The following BTRC variants were observed in gnomAD, a reference collection of about 807,000 sequenced individuals.
The protein encoded by BTRC is F-box/WD repeat-containing protein 1A.
A neutral mutation model predicts 85.5 loss-of-function variants in BTRC; 42 were observed. The observed-to-expected ratio is 0.49, with a 90% CI of 0.38 to 0.64. The LOEUF is 0.64. BTRC is among the 30% of genes least tolerant of loss of function. The probability of loss-of-function intolerance (pLI) is 0.00; values close to 1 mark genes in which losing one functional copy is unlikely to be tolerated. For missense variants in BTRC, 594 were observed against 743.5 expected, an observed-to-expected ratio of 0.80 and a Z score of 2.34; for synonymous variants, 255 against 263.3, an observed-to-expected ratio of 0.97 and a Z score of 0.30.
At chr10:101,517,594 A>G (rs990632141) in intron 4 of BTRC, among the ~76,000 whole-genome samples, 2 of 152,154 alleles carry the variant, frequency 1.3e-5, no homozygotes, top group Non-Finnish European at 2.9e-5. Context: ...CCTTAAGTAA[A>G]TATGCCAAAG....
intron 1 of BTRC, among the ~76,000 whole-genome samples, chr10:101,424,652 G>A (rs1005977762): frequency 2.0e-5 from 3 of 152,156 alleles, no homozygotes; most frequent in Non-Finnish European, 2.9e-5. Flanking sequence ...TCAGTGAAGA[G>A]GATCTGTGAC....
At chr10:101,513,084 T>C (rs909527678) in intron 4 of BTRC, among the ~76,000 whole-genome samples, 6 of 152,222 alleles carry the variant, frequency 3.9e-5, no homozygotes, top group African/African-American at 1.4e-4. Context: ...TGTGTCCTTG[T>C]AGATTTTCAG....
intron 1 of BTRC, among the ~76,000 whole-genome samples, chr10:101,359,102 G>C (rs1942127079): frequency 6.6e-6 from 1 of 152,174 alleles, no homozygotes; most frequent in Non-Finnish European, 1.5e-5. Context: ...TTCCCTTAAT[G>C]ATGTCACTGT....
At chr10:101,436,626 ATAGATAGATAGATAG>A (rs1461660522) in intron 2 of BTRC, among the ~76,000 whole-genome samples, 3 of 4,660 alleles carry the variant, frequency 6.4e-4, no homozygotes, top group Admixed American at 3.1e-3. Flanking sequence ...ATTAAAAAAA[ATAGATAGATAGATAG>A]ATAGATAGAT....
At chr10:101,370,426 C>T (rs971514302) in intron 1 of BTRC, among the ~76,000 whole-genome samples, 1 of 152,012 alleles carries the variant, frequency 6.6e-6, no homozygotes, top group Non-Finnish European at 1.5e-5. Context: ...TCTTCCTTAT[C>T]CTGATGGTAC....
chr10:101,439,461 A>G (rs7900462), intron 2 of BTRC, among the ~76,000 whole-genome samples: 50,033 of 152,116 alleles, frequency 0.33, 10,802 homozygotes, highest in East Asian at 0.67. Flanking sequence ...AGAGAGACTG[A>G]CATACTATGA....
intron 1 of BTRC, among the ~76,000 whole-genome samples, chr10:101,394,577 C>A (rs190506508): frequency 1.3e-5 from 2 of 152,328 alleles, no homozygotes; most frequent in Admixed American, 1.3e-4. Context: ...TAGTCACAGA[C>A]TGACTAGTAA....
chr10:101,413,361 T>C (rs939545098), intron 1 of BTRC, among the ~76,000 whole-genome samples: 1 of 152,214 alleles, frequency 6.6e-6, no homozygotes, highest in East Asian at 1.9e-4. Flanking sequence ...TTGCCCAGGC[T>C]GGAGTGCAGT....
At chr10:101,414,615 A>G (rs1374909622) in intron 1 of BTRC, 1 of 516,650 alleles carries the variant, frequency 1.9e-6, no homozygotes, top group East Asian at 5.5e-5. Context: ...CATTGATGTC[A>G]TAGGAGATGA....
In BTRC at chr10:101,435,864, C is replaced by T. The variant is rs1944515083; in HGVS notation, c.156+5412C>T. ...AATGTCTCATTTAATGTAATGGCTT[C>T]ATGACTTTTTTTTTTTGATCATTGG... is the stretch of plus-strand genomic sequence containing the variant. On this transcript the variant is annotated intron_variant, in intron 2 of 14. Coordinates refer to ENST00000370187, the MANE Select transcript of BTRC (RefSeq NM_033637.4). Among the ~76,000 whole-genome samples, 3 of 151,690 alleles carry T rather than the reference C, an allele frequency of 2.0e-5. 1 individual carries two copies. Among genetic ancestry groups the T allele is most frequent in the Admixed American group, 1.3e-4 (2 of 15,240 alleles).
intron 5 of BTRC, among the ~76,000 whole-genome samples, chr10:101,523,164 C>T (rs1307295702): frequency 1.3e-5 from 2 of 151,904 alleles, no homozygotes; most frequent in Non-Finnish European, 2.9e-5. Context: ...AGATCACACC[C>T]CTGCATTCCA....
At chr10:101,459,381 C>G (rs748161822) in intron 2 of BTRC, among the ~76,000 whole-genome samples, 7 of 152,170 alleles carry the variant, frequency 4.6e-5, no homozygotes, top group Non-Finnish European at 8.8e-5. Flanking sequence ...TAATCTCATT[C>G]ACTGGCATTC....
At chr10:101,543,093 G>T (rs1358933026) in intron 13 of BTRC, among the ~76,000 whole-genome samples, 1 of 152,172 alleles carries the variant, frequency 6.6e-6, no homozygotes, top group Non-Finnish European at 1.5e-5. Context: ...GGGCAGGCTG[G>T]TCTCGAACTC....
chr10:101,431,053 AG>A (rs1944389276), intron 2 of BTRC, among the ~76,000 whole-genome samples: 1 of 146,186 alleles, frequency 6.8e-6, no homozygotes, highest in African/African-American at 2.5e-5. Context: ...AACAGATTCC[AG>A]TTCCCCTCAG....
At chr10:101,391,277 A>G (rs1306240409) in intron 1 of BTRC, among the ~76,000 whole-genome samples, 6 of 152,228 alleles carry the variant, frequency 3.9e-5, no homozygotes, top group Admixed American at 6.5e-5. Flanking sequence ...CTAAATAAAT[A>G]TATTCAACTG....
At chr10:101,385,033 G>T (rs1017408013) in intron 1 of BTRC, among the ~76,000 whole-genome samples, 6 of 151,994 alleles carry the variant, frequency 3.9e-5, no homozygotes, top group African/African-American at 9.7e-5. Context: ...GACCAGCCTG[G>T]TCAACTTAGC....
chr10:101,505,386 G>A (rs544579457), intron 4 of BTRC, among the ~76,000 whole-genome samples: 243 of 150,596 alleles, frequency 1.6e-3, no homozygotes, highest in African/African-American at 5.8e-3. Flanking sequence ...CTGGGAGGCC[G>A]AGGCGGGCGG....
chr10:101,477,881 C>T (rs1460389758), intron 3 of BTRC, among the ~76,000 whole-genome samples: 1 of 152,114 alleles, frequency 6.6e-6, no homozygotes, highest in Non-Finnish European at 1.5e-5. Flanking sequence ...AACTCCTGAG[C>T]TCAGGCGATC....
At chr10:101,440,304 G>A (rs535559370) in intron 2 of BTRC, among the ~76,000 whole-genome samples, 2 of 151,732 alleles carry the variant, frequency 1.3e-5, no homozygotes, top group South Asian at 4.2e-4. Flanking sequence ...TTCTAAGGAA[G>A]CACTATTGAT....
Sources: gnomAD v4.1 joint callset for allele counts (sites outside exome capture counted in the v4.1 genomes callset) on GRCh38, gnomAD v4.1.1 for gene constraint, MANE v1.5 for transcripts, NCBI Gene and HGNC (gene_info 2026-07-23, HGNC 2026-07-21) for gene names.